HIBCH: variants seen among roughly 807,000 people sequenced by gnomAD.
HIBCH encodes the protein 3-hydroxyisobutyryl-CoA hydrolase, mitochondrial.
In HIBCH, 50 loss-of-function variants were observed where a neutral mutation model predicts 58.2. The observed-to-expected ratio is 0.86, with a 90% confidence interval of 0.68 to 1.09. The LOEUF (loss-of-function observed/expected upper bound fraction) is 1.09, where lower values mean the gene tolerates loss of function less well. HIBCH is among the 50% of genes least tolerant of loss of function. HIBCH has a pLI of 0.00. For synonymous variants in HIBCH, 151 were observed against 146.9 expected, an observed-to-expected ratio of 1.03 and a Z score of -0.20; for missense variants, 450 against 449.7, an observed-to-expected ratio of 1.00 and a Z score of -0.01.
intron 6 of HIBCH, among the ~76,000 whole-genome samples, chr2:190,283,239 C>A (rs933950758): frequency 1.3e-5 from 2 of 152,190 alleles, no homozygotes; most frequent in African/African-American, 4.8e-5. Flanking sequence ...CATAAAGCAA[C>A]CTTTTTCGAT....
chr2:190,293,218 G>A (rs369664792), intron 4 of HIBCH, among the ~76,000 whole-genome samples: 13 of 152,266 alleles, frequency 8.5e-5, no homozygotes, highest in South Asian at 4.1e-4. Flanking sequence ...TTGGGAGGCC[G>A]AGGCAGGCGG....
rs777172897 is a variant in HIBCH, at chr2:190,289,290, T to A, written c.385+1115A>T. Among the ~76,000 whole-genome samples, 24 of 152,308 alleles carry A rather than the reference T, an allele frequency of 1.6e-4. No homozygotes were observed. In the Middle Eastern group the frequency reaches 0.014, roughly 86 times the overall value. On this transcript the variant is annotated intron_variant, in intron 5 of 13. Coordinates refer to ENST00000359678, the MANE Select transcript of HIBCH (RefSeq NM_014362.4). ...GTTTAATCTACTAGATATTAATTCATGTTTTTATGCCAATATATAAATGTT... is the reference window on the plus strand; with the variant it reads ...GTTTAATCTACTAGATATTAATTCAAGTTTTTATGCCAATATATAAATGTT...
At chr2:190,264,621 A>G (rs1295404886) in intron 6 of HIBCH, among the ~76,000 whole-genome samples, 4 of 152,248 alleles carry the variant, frequency 2.6e-5, no homozygotes, top group African/African-American at 9.6e-5. Flanking sequence ...TGCATATAGC[A>G]GTAATTTGTT....
chr2:190,209,021 T>A lies in HIBCH; in HGVS notation c.1012-108A>T. 1 of 930,680 alleles carries A rather than the reference T, an allele frequency of 1.1e-6. No individual in the cohort carries two copies. Among genetic ancestry groups the A allele is most frequent in the Non-Finnish European group, 1.7e-6 (1 of 586,108 alleles). The allele number at this position is 930,680 out of a possible 1,614,324, so 57.7% of individuals were successfully genotyped here. A position where few individuals can be genotyped will look rare whatever the true frequency, so the allele number is the denominator to read the frequency against. On this transcript the variant is annotated intron_variant, in intron 12 of 13. Coordinates refer to ENST00000359678, the MANE Select transcript of HIBCH (RefSeq NM_014362.4). This position sits in a 1 kb window ranked among gnomAD's most constrained non-coding sequence, Gnocchi z 5.6. ...GCCTTCCACTCCCATGGCCACAACC[T>A]GAACCATGACATTCAGAGACTGAAC...
chr2:190,315,855 G>A lies in HIBCH; in HGVS notation c.35+3861C>T, dbSNP rs146059791. 6.6e-6 allele frequency among the ~76,000 whole-genome samples: 1 copy of A among 152,234 alleles called. No homozygotes were observed. The highest frequency in any genetic ancestry group is 1.9e-4 in the East Asian group (1 of 5,188). On this transcript the variant is annotated intron_variant, in intron 1 of 13. Coordinates refer to ENST00000359678, the MANE Select transcript of HIBCH (RefSeq NM_014362.4). The surrounding 1 kb of genome is among the most constrained non-coding windows in gnomAD (Gnocchi z 5.4). The stretch of plus-strand genomic sequence containing the variant: ...CAACCAGGAGAATATAGAAAAGACA[G>A]GGAAAGAAGCTAGCTGGTTTGCAGG...
intron 6 of HIBCH, among the ~76,000 whole-genome samples, chr2:190,276,149 A>G (rs989279311): frequency 2.1e-5 from 3 of 144,644 alleles, no homozygotes; most frequent in African/African-American, 7.3e-5. Flanking sequence ...GGTTGGCAAC[A>G]ATTCTTTGGG....
chr2:190,250,341 T>C (rs1686727491), intron 8 of HIBCH: 1 of 464,634 alleles, frequency 2.2e-6, no homozygotes, highest in East Asian at 7.0e-5. Context: ...TTTCAATTCT[T>C]TGAGTATTTT....
At chr2:190,270,884 C>G (rs1048288309) in intron 6 of HIBCH, among the ~76,000 whole-genome samples, 1 of 151,974 alleles carries the variant, frequency 6.6e-6, no homozygotes, top group Non-Finnish European at 1.5e-5. Flanking sequence ...TTTTAATGGA[C>G]TAACACATAG....
intron 4 of HIBCH, among the ~76,000 whole-genome samples, 179 bp downstream of exon 4, chr2:190,294,367 G>A (rs1484597279): frequency 6.6e-6 from 1 of 152,002 alleles, no homozygotes; most frequent in African/African-American, 2.4e-5. Flanking sequence ...ATTCTCATTT[G>A]CTAATACTAA....
At position 190,259,472 on chromosome 2, in the gene HIBCH, T is replaced by C. The variant is rs576327498; in HGVS notation, c.517+1684A>G. 1.4e-4 allele frequency among the ~76,000 whole-genome samples: 22 copies of C among 152,032 alleles called. No individual in the cohort carries two copies. In the South Asian group the frequency reaches 4.4e-3, roughly 30 times the overall value. On this transcript the variant is annotated intron_variant, in intron 7 of 13. Transcript: ENST00000359678. ...TTTCAGGGCTCAAGCCATCCTTTTATCTCCACCTCCTGAGCAGCTGGAACC... is the reference window on the plus strand; with the variant it reads ...TTTCAGGGCTCAAGCCATCCTTTTACCTCCACCTCCTGAGCAGCTGGAACC...
intron 11 of HIBCH, among the ~76,000 whole-genome samples, chr2:190,233,941 T>G (rs1385183751): frequency 2.0e-5 from 3 of 152,168 alleles, no homozygotes; most frequent in African/African-American, 4.8e-5. Context: ...GTGGATCACA[T>G]GAGGTCAGGA....
At chr2:190,261,095 T>C in intron 7 of HIBCH, 61 bp downstream of exon 7, 1 of 1,242,348 alleles carries the variant, frequency 8.0e-7, no homozygotes, top group Non-Finnish European at 1.2e-6. Flanking sequence ...CAGTAAACTC[T>C]GAAACATATC....
intron 12 of HIBCH, 21 bp downstream of exon 12, chr2:190,212,935 A>ATT (rs144660628): frequency 6.6e-6 from 10 of 1,512,952 alleles, no homozygotes; most frequent in African/African-American, 5.5e-5. Flanking sequence ...AAAAAATGAC[A>ATT]TTTTTTTTTT....
At chr2:190,212,677 T>C (rs751473886) in intron 12 of HIBCH, among the ~76,000 whole-genome samples, 3 of 152,242 alleles carry the variant, frequency 2.0e-5, no homozygotes, top group Non-Finnish European at 4.4e-5. Flanking sequence ...AGACCATCGC[T>C]GAAAGACATT....
rs1284062182 is a variant in HIBCH, at chr2:190,254,178, GATGTA to G, written c.518-1876_518-1872del. Among the ~76,000 whole-genome samples, 2 of 151,998 alleles carry G rather than the reference GATGTA, an allele frequency of 1.3e-5. No homozygotes were observed. The highest frequency in any genetic ancestry group is 2.9e-5 in the Non-Finnish European group (2 of 68,022). On this transcript the variant is annotated intron_variant, in intron 7 of 13. Transcript: ENST00000359678. The surrounding 1 kb of genome is among the most constrained non-coding windows in gnomAD (Gnocchi z 5.0). ...GTCCTATGTTGAAGCCCTAACCCTC[GATGTA>G]ACTGCATTTGGAAGCAGGGCCTTTG...
intron 1 of HIBCH, among the ~76,000 whole-genome samples, chr2:190,198,108 T>C (rs1401414719): frequency 1.3e-5 from 2 of 152,186 alleles, no homozygotes; most frequent in African/African-American, 2.4e-5. Context: ...CTCTGAAGTA[T>C]GCAGCGTGAA....
chr2:190,260,445 T>G (rs2105951035), intron 7 of HIBCH: 1 of 152,318 alleles, frequency 6.6e-6, no homozygotes, highest in East Asian at 1.9e-4. Flanking sequence ...AAAGACTCGA[T>G]AGTGTTAAGA....
At position 190,213,070 on chromosome 2, in the gene HIBCH, A is replaced by C. The variant is rs763947247; in HGVS notation, c.897T>G (p.Ile299Met). The C allele has an allele frequency of 1.9e-6, 3 of 1,606,854 alleles. No homozygotes were observed. The highest frequency in any genetic ancestry group is 3.3e-5 in the Admixed American group (2 of 59,996). ...TTAGAGATGTTGGAGACATTTTATT[A>C]ATTACCTTTTGGAGGAAAAAATTTA... ...SSFALEQLKV[I>M]NKMSPTSLKI... Residue 299 changes from isoleucine to methionine, a missense_variant, in exon 12 of 14, where the codon ATT becomes ATG. Coordinates refer to ENST00000359678, the MANE Select transcript of HIBCH (RefSeq NM_014362.4).
intron 10 of HIBCH, 136 bp from the exon 11 acceptor site, chr2:190,245,104 GA>G (rs1400118211): frequency 1.5e-6 from 1 of 684,356 alleles, no homozygotes; most frequent in Admixed American, 2.1e-5. Context: ...AACAGGACGT[GA>G]AAAGAAAGAG....
Sources: gnomAD v4.1 joint callset for allele counts (sites outside exome capture counted in the v4.1 genomes callset) on GRCh38, gnomAD v4.1.1 for gene constraint, Gnocchi (gnomAD v3.1) non-coding constraint, MANE v1.5 for transcripts, NCBI Gene and HGNC (gene_info 2026-07-23, HGNC 2026-07-21) for gene names.